Variants in MAPK10 observed in about 807,000 individuals in gnomAD.
MAPK10 encodes the protein JNK3 alpha protein kinase.
Under a neutral mutation model 59.3 loss-of-function variants are expected in MAPK10, and 25 were observed. The observed-to-expected ratio is 0.42, with a 90% CI of 0.31 to 0.59. MAPK10 has a LOEUF of 0.59. MAPK10 is among the 20% of genes least tolerant of loss of function. The pLI, the probability that MAPK10 is intolerant of heterozygous loss-of-function variation, is 0.15. For synonymous variants in MAPK10, 190 were observed against 200.5 expected (o/e 0.95, Z 0.44); for missense variants, 351 against 568.9 (o/e 0.62, Z 3.90).
chr4:86,468,846 T>A (rs1433939628), intron 1 of MAPK10, among the ~76,000 whole-genome samples: 1 of 150,602 alleles, frequency 6.6e-6, no homozygotes, highest in East Asian at 2.0e-4. Context: ...AGAGTGAGAC[T>A]CCATCTCAAA....
At chr4:86,417,724 A>G (rs1437371398) in intron 1 of MAPK10, among the ~76,000 whole-genome samples, 1 of 152,184 alleles carries the variant, frequency 6.6e-6, no homozygotes, top group Non-Finnish European at 1.5e-5. Context: ...CACACTTTAC[A>G]AGATCCCACT....
intron 1 of MAPK10, among the ~76,000 whole-genome samples, chr4:86,514,873 G>A (rs977799531): frequency 6.6e-6 from 1 of 152,038 alleles, no homozygotes; most frequent in African/African-American, 2.4e-5. Context: ...CAATAGTTTT[G>A]GGGGAACAGG....
chr4:86,042,493 A>T (rs528583887), intron 11 of MAPK10, among the ~76,000 whole-genome samples: 55 of 152,206 alleles, frequency 3.6e-4, no homozygotes, highest in East Asian at 5.8e-4. Flanking sequence ...GTAAAATTTT[A>T]AAAAAAAGTG....
At chr4:86,414,888 C>A (rs1424367996) in intron 1 of MAPK10, among the ~76,000 whole-genome samples, 1 of 152,118 alleles carries the variant, frequency 6.6e-6, no homozygotes, top group Non-Finnish European at 1.5e-5. Flanking sequence ...CAGCTGTTTA[C>A]TAGGCTAAGC....
chr4:86,301,472 T>C (rs2095471898), intron 2 of MAPK10, among the ~76,000 whole-genome samples: 1 of 152,050 alleles, frequency 6.6e-6, no homozygotes, highest in Non-Finnish European at 1.5e-5. Context: ...AACAAAGTCT[T>C]GGAGCTGCCA....
intron 1 of MAPK10, among the ~76,000 whole-genome samples, chr4:86,557,415 T>C (rs952036204): frequency 3.9e-5 from 6 of 152,088 alleles, no homozygotes; most frequent in Non-Finnish European, 7.4e-5. Context: ...TGACTGTCAC[T>C]AAAAACTAGT....
At chr4:86,459,442 C>CT (rs1401322205) in intron 1 of MAPK10, among the ~76,000 whole-genome samples, 2 of 152,208 alleles carry the variant, frequency 1.3e-5, no homozygotes, top group Non-Finnish European at 2.9e-5. Flanking sequence ...TAAAAAGATA[C>CT]TTGCACACAC....
intron 2 of MAPK10, among the ~76,000 whole-genome samples, chr4:86,235,336 G>A (rs1391917842): frequency 2.6e-5 from 4 of 152,120 alleles, no homozygotes; most frequent in African/African-American, 7.2e-5. Flanking sequence ...ACATGCTCCC[G>A]GGTGTTAGAA....
At chr4:86,324,597 T>C (rs1330314782) in intron 2 of MAPK10, among the ~76,000 whole-genome samples, 1 of 152,194 alleles carries the variant, frequency 6.6e-6, no homozygotes, top group Non-Finnish European at 1.5e-5. Flanking sequence ...TCAGAAATTA[T>C]TTTCTGTCAT....
intron 1 of MAPK10, among the ~76,000 whole-genome samples, chr4:86,373,307 T>A (rs1363886129): frequency 1.3e-5 from 2 of 152,220 alleles, no homozygotes; most frequent in East Asian, 3.9e-4. Context: ...ATAAAAACCT[T>A]AGAAGAAAAC....
chr4:86,344,835 T>G (rs889034260), intron 2 of MAPK10, among the ~76,000 whole-genome samples: 9 of 152,300 alleles, frequency 5.9e-5, no homozygotes, highest in African/African-American at 2.2e-4. Context: ...CAGTAGAGTT[T>G]AGAAATCATT....
intron 1 of MAPK10, among the ~76,000 whole-genome samples, chr4:86,561,307 GTATTA>G (rs1760660371): frequency 6.6e-6 from 1 of 152,134 alleles, no homozygotes; most frequent in Non-Finnish European, 1.5e-5. Flanking sequence ...CAGTTGCTGT[GTATTA>G]TAAGTTCTTA....
rs113718620 is a variant in MAPK10, at chr4:86,316,338, C to T, written c.-7+38192G>A. Among the ~76,000 whole-genome samples the T allele has an allele frequency of 5.6e-3, 856 of 152,094 alleles. 10 individuals are homozygous for T. The highest frequency in any genetic ancestry group is 0.02 in the African/African-American group (815 of 41,482). Reference sequence around the variant, plus strand: ...TTTTTCTATTCTAAAGTAAAATTGACCAAACAACTTAAAACCAACTTTTTC... The same window carrying T: ...TTTTTCTATTCTAAAGTAAAATTGATCAAACAACTTAAAACCAACTTTTTC... On this transcript the variant is annotated intron_variant, in intron 2 of 13. Coordinates refer to ENST00000641462, the MANE Select transcript of MAPK10 (RefSeq NM_138982.4).
At position 86,029,479 on chromosome 4, in the gene MAPK10, T is replaced by C. The variant is rs560412297; in HGVS notation, c.1175-205A>G. Among the ~76,000 whole-genome samples, 278 of 152,332 alleles carry C rather than the reference T, an allele frequency of 1.8e-3. 2 individuals are homozygous for C. The highest frequency in any genetic ancestry group is 0.014 in the Middle Eastern group (4 of 294). ...CACAAATAGGTATCTAGTAAAGCAGTTGAAGAAATCAATGCATGAAAATTT... is the reference window on the plus strand; with the variant it reads ...CACAAATAGGTATCTAGTAAAGCAGCTGAAGAAATCAATGCATGAAAATTT... On this transcript the variant is annotated intron_variant, in intron 12 of 13. Coordinates refer to ENST00000641462, the MANE Select transcript of MAPK10 (RefSeq NM_138982.4).
chr4:86,538,480 T>A lies in MAPK10; in HGVS notation c.-263+55430A>T, dbSNP rs187523042. Among the ~76,000 whole-genome samples, 248 of 152,274 alleles carry A rather than the reference T, an allele frequency of 1.6e-3. 1 individual carries two copies. The highest frequency in any genetic ancestry group is 2.9e-3 in the Non-Finnish European group (195 of 68,028). On this transcript the variant is annotated intron_variant, in intron 1 of 4. Transcript: ENST00000502302. Reference sequence around the variant, plus strand: ...TGCGCCCGGTCCAATAAATCTTAATTTCTGGGAGACAAACCTCCCTGTTTT... The same window carrying A: ...TGCGCCCGGTCCAATAAATCTTAATATCTGGGAGACAAACCTCCCTGTTTT...
In MAPK10 at chr4:86,036,882, G is replaced by A. The variant is rs1015451054; in HGVS notation, c.1111-5451C>T. Among the ~76,000 whole-genome samples the A allele has an allele frequency of 4.6e-5, 7 of 152,314 alleles. 1 individual carries two copies. The highest frequency in any genetic ancestry group is 1.3e-4 in the Admixed American group (2 of 15,300). ...TGTGGACACTCTACATAGCAATGTT[G>A]TGACATGGCATGTTAGAGATCTAAG... On this transcript the variant is annotated intron_variant, in intron 11 of 13. Coordinates refer to ENST00000641462, the MANE Select transcript of MAPK10 (RefSeq NM_138982.4).
At chr4:86,403,518 G>GTC (rs1171208591) in intron 1 of MAPK10, among the ~76,000 whole-genome samples, 1 of 151,978 alleles carries the variant, frequency 6.6e-6, no homozygotes, top group African/African-American at 2.4e-5. Context: ...GAGAGAGTCT[G>GTC]TCACACACAC....
At chr4:86,344,122 T>C (rs1168688170) in intron 2 of MAPK10, among the ~76,000 whole-genome samples, 4 of 152,204 alleles carry the variant, frequency 2.6e-5, no homozygotes, top group Admixed American at 2.0e-4. Context: ...CAGAACCTCA[T>C]TTGAGAATGC....
At chr4:86,515,829 C>T (rs1161594746) in intron 1 of MAPK10, among the ~76,000 whole-genome samples, 2 of 150,862 alleles carry the variant, frequency 1.3e-5, no homozygotes, top group Non-Finnish European at 2.9e-5. Context: ...TGTGCAGAAG[C>T]TTTTTAGTTT....
Sources: allele counts gnomAD v4.1 joint callset (sites outside exome capture counted in the v4.1 genomes callset), GRCh38; gene constraint gnomAD v4.1.1; transcripts MANE v1.5; gene names NCBI Gene and HGNC (gene_info 2026-07-23, HGNC 2026-07-21).